LIPC: variants seen among roughly 807,000 people sequenced by gnomAD.
LIPC encodes lipase C, hepatic type, also known as hepatic triacylglycerol lipase.
A neutral mutation model predicts 50.7 loss-of-function variants in LIPC; 44 were observed. The ratio of observed to expected loss-of-function variants is 0.87; its 90% CI spans 0.68 to 1.11. The LOEUF is 1.11. Ranked by LOEUF, LIPC falls within the 50% of genes most tolerant of loss-of-function variation. The pLI, the probability that LIPC is intolerant of heterozygous loss-of-function variation, is 0.00. For synonymous variants in LIPC, 271 were observed against 256.4 expected (o/e 1.06, Z -0.54); for missense variants, 697 against 648.2 (o/e 1.08, Z -0.82).
chr15:58,433,328 CCT>C (rs1893184783), intron 1 of LIPC, among the ~76,000 whole-genome samples: 1 of 152,166 alleles, frequency 6.6e-6, no homozygotes, highest in Non-Finnish European at 1.5e-5. Flanking sequence ...TAGAAAAGGG[CCT>C]CTATCATAAA....
intron 1 of LIPC, among the ~76,000 whole-genome samples, chr15:58,455,956 C>T (rs749314670): frequency 6.6e-6 from 1 of 151,506 alleles, no homozygotes; most frequent in Non-Finnish European, 1.5e-5. Context: ...TGTTAAGGAC[C>T]CAAGGCATGG....
intron 5 of LIPC, 80 bp downstream of exon 5, chr15:58,546,055 A>G: frequency 8.4e-7 from 1 of 1,196,148 alleles, no homozygotes; most frequent in Non-Finnish European, 1.2e-6. Context: ...CTACCAACAT[A>G]CGGGACTCAG....
intron 6 of LIPC, among the ~76,000 whole-genome samples, 173 bp from the exon 7 acceptor site, chr15:58,560,691 A>C (rs1053412606): frequency 1.3e-5 from 2 of 152,082 alleles, no homozygotes; most frequent in Non-Finnish European, 2.9e-5. Flanking sequence ...AATACAGAGA[A>C]GGAAAAACAA....
chr15:58,435,219 T>C (rs1893253526), intron 1 of LIPC: 1 of 152,230 alleles, frequency 6.6e-6, no homozygotes. Flanking sequence ...CAAAGAAATG[T>C]TGCAAATCTC....
At chr15:58,558,218 G>A (rs542190863) in intron 6 of LIPC, among the ~76,000 whole-genome samples, 11 of 151,680 alleles carry the variant, frequency 7.3e-5, no homozygotes, top group East Asian at 5.8e-4. Context: ...GACTACAGGC[G>A]CCCACCACCA....
At chr15:58,565,176 C>G (rs1382468851) in intron 8 of LIPC, 2 of 1,534,652 alleles carry the variant, frequency 1.3e-6, no homozygotes, top group East Asian at 2.4e-5. Flanking sequence ...CGTCTGCCAA[C>G]AGATCTCCCA....
At chr15:58,532,746 G>T (rs1892996891) in intron 1 of LIPC, among the ~76,000 whole-genome samples, 1 of 152,112 alleles carries the variant, frequency 6.6e-6, no homozygotes, top group Non-Finnish European at 1.5e-5. Flanking sequence ...AGAATCCCTG[G>T]TTCTCTCCCA....
At chr15:58,504,519 G>T (rs1228230236) in intron 1 of LIPC, among the ~76,000 whole-genome samples, 1 of 152,132 alleles carries the variant, frequency 6.6e-6, no homozygotes, top group African/African-American at 2.4e-5. Flanking sequence ...GCACTCAACA[G>T]GCCAAAACAA....
intron 1 of LIPC, among the ~76,000 whole-genome samples, chr15:58,498,156 A>C (rs1384229445): frequency 6.6e-6 from 1 of 152,230 alleles, no homozygotes; most frequent in African/African-American, 2.4e-5. Context: ...TGTTTCTCTC[A>C]GGCGAGCTTT....
intron 1 of LIPC, chr15:58,436,761 A>T (rs1368780570): frequency 2.2e-6 from 1 of 456,254 alleles, no homozygotes; most frequent in Non-Finnish European, 4.4e-6. Context: ...TGGAGGGAAG[A>T]AGGCTTCTTG....
chr15:58,459,766 G>A (rs1894271328), intron 1 of LIPC, among the ~76,000 whole-genome samples: 1 of 152,240 alleles, frequency 6.6e-6, no homozygotes, highest in South Asian at 2.1e-4. Context: ...AAGGACGCCT[G>A]CACGGGAACA....
chr15:58,520,958 G>T (rs775687539), intron 1 of LIPC, among the ~76,000 whole-genome samples: 5 of 152,170 alleles, frequency 3.3e-5, no homozygotes, highest in Non-Finnish European at 7.3e-5. Context: ...CTGGTTTGGG[G>T]TCTGGAGGGC....
chr15:58,437,907 G>A (rs763891006), intron 1 of LIPC, among the ~76,000 whole-genome samples: 2 of 152,174 alleles, frequency 1.3e-5, no homozygotes, highest in Admixed American at 1.3e-4. Flanking sequence ...CAGCTGAGCA[G>A]GTCTGTGGTC....
intron 6 of LIPC, among the ~76,000 whole-genome samples, chr15:58,560,318 C>T (rs1894114963): frequency 6.6e-6 from 1 of 152,188 alleles, no homozygotes; most frequent in Non-Finnish European, 1.5e-5. Flanking sequence ...AGGAAATACA[C>T]TTATTGAAAC....
chr15:58,488,627 C>T (rs1248084377), intron 1 of LIPC, among the ~76,000 whole-genome samples: 5 of 152,138 alleles, frequency 3.3e-5, no homozygotes, highest in Non-Finnish European at 5.9e-5. Flanking sequence ...GAAAAGTGTC[C>T]GAAGTACAGC....
chr15:58,489,285 C>G (rs1031109790), intron 1 of LIPC, among the ~76,000 whole-genome samples: 3 of 137,644 alleles, frequency 2.2e-5, no homozygotes, highest in Non-Finnish European at 4.6e-5. Flanking sequence ...CTGTTGTAAT[C>G]ACCCAGCAGG....
chr15:58,566,072 A>C (rs1459205736), intron 8 of LIPC: 2 of 980,534 alleles, frequency 2.0e-6, no homozygotes, highest in Non-Finnish European at 1.2e-6. Flanking sequence ...TCATGTTAAA[A>C]TGCAGGTTCT....
At chr15:58,446,805 A>G (rs1387803045) in intron 1 of LIPC, among the ~76,000 whole-genome samples, 1 of 152,142 alleles carries the variant, frequency 6.6e-6, no homozygotes, top group East Asian at 1.9e-4. Context: ...TGACTGTTGC[A>G]TGTTTGAATC....
At chr15:58,490,408 G>A (rs1381720844) in intron 1 of LIPC, among the ~76,000 whole-genome samples, 1 of 152,162 alleles carries the variant, frequency 6.6e-6, no homozygotes, top group Non-Finnish European at 1.5e-5. Flanking sequence ...ATTTCTTACA[G>A]GGCTCTTGAA....
Sources: gnomAD v4.1 joint callset for allele counts (sites outside exome capture counted in the v4.1 genomes callset) on GRCh38, gnomAD v4.1.1 for gene constraint, MANE v1.5 for transcripts, NCBI Gene and HGNC (gene_info 2026-07-23, HGNC 2026-07-21) for gene names.